Variants in FBN1 observed in about 807,000 individuals in gnomAD.
FBN1 encodes fibrillin 1.
A neutral mutation model predicts 365.1 loss-of-function variants in FBN1; 29 were observed. That is an observed-to-expected ratio of 0.08 (90% CI 0.06 to 0.11). The LOEUF (loss-of-function observed/expected upper bound fraction) is 0.11, where lower values mean the gene tolerates loss of function less well. Among genes scored for constraint, FBN1 ranks in the 10% least tolerant of loss-of-function variants. The pLI, the probability that FBN1 is intolerant of heterozygous loss-of-function variation, is 1.00. For synonymous variants in FBN1, 1,210 were observed against 1,270.5 expected, an observed-to-expected ratio of 0.95 and a Z score of 1.01; for missense variants, 2,476 against 3,703.2, an observed-to-expected ratio of 0.67 and a Z score of 8.60.
intron 60 of FBN1, among the ~76,000 whole-genome samples, chr15:48,424,397 C>G (rs186780253): frequency 1.3e-5 from 2 of 152,338 alleles, no homozygotes; most frequent in East Asian, 3.9e-4. Context: ...CTCTCCTCTC[C>G]TCCAATCTGG....
At chr15:48,525,744 G>A (rs931274732) in intron 9 of FBN1, among the ~76,000 whole-genome samples, 1 of 152,170 alleles carries the variant, frequency 6.6e-6, no homozygotes, top group Admixed American at 6.5e-5. Flanking sequence ...AAGAAGCAGG[G>A]AGACCAATTA....
chr15:48,600,072 A>C (rs2044549574), intron 5 of FBN1, 67 bp downstream of exon 5: 1 of 1,160,120 alleles, frequency 8.6e-7, no homozygotes, highest in Non-Finnish European at 1.3e-6. Flanking sequence ...ATCAGCACTT[A>C]TCTCTTTATT....
At chr15:48,508,508 G>A in intron 15 of FBN1, 74 bp downstream of exon 15, 1 of 1,596,144 alleles carries the variant, frequency 6.3e-7, no homozygotes, top group Admixed American at 1.7e-5. Context: ...AGTAAAGAAA[G>A]GTAGTACCTC....
At chr15:48,570,450 G>T (rs2044297789) in intron 6 of FBN1, among the ~76,000 whole-genome samples, 1 of 149,872 alleles carries the variant, frequency 6.7e-6, no homozygotes. Context: ...CTCTGCTACT[G>T]TAAATGTTGG....
chr15:48,582,396 C>A lies in FBN1; in HGVS notation c.538+13887G>T, dbSNP rs541745448. Among the ~76,000 whole-genome samples, 5 of 152,246 alleles carry A rather than the reference C, an allele frequency of 3.3e-5. No homozygotes were observed. The South Asian group carries it at 1.0e-3, about 32-fold the overall frequency. On this transcript the variant is annotated intron_variant, in intron 6 of 65. Transcript: ENST00000316623. ...GATTTCACCTATTGTGCACAGTAGG[C>A]CTCCAACAATATTTGCTGTTTAATT...
intron 17 of FBN1, among the ~76,000 whole-genome samples, chr15:48,501,366 C>T (rs1052289366): frequency 6.6e-6 from 1 of 152,222 alleles, no homozygotes; most frequent in African/African-American, 2.4e-5. Context: ...CTCACTCCTG[C>T]ATGCTCTGTT....
At chr15:48,435,702 GTATA>G (rs1200549093) in intron 53 of FBN1, among the ~76,000 whole-genome samples, 1 of 147,338 alleles carries the variant, frequency 6.8e-6, no homozygotes, top group Non-Finnish European at 1.5e-5. Context: ...ATGTGTGTGT[GTATA>G]TATATGTGTG....
chr15:48,517,177 C>T (rs1170621979), intron 10 of FBN1, among the ~76,000 whole-genome samples: 1 of 152,126 alleles, frequency 6.6e-6, no homozygotes. Flanking sequence ...AGATATCAGA[C>T]ATCCAAGTGG....
At chr15:48,431,627 TATAATA>T (rs147210251) in intron 55 of FBN1, among the ~76,000 whole-genome samples, 17 of 151,960 alleles carry the variant, frequency 1.1e-4, no homozygotes, top group African/African-American at 3.6e-4. Context: ...ATGCAATAAT[TATAATA>T]ATAACACAAT....
chr15:48,476,145 C>G (rs536053733), intron 32 of FBN1, among the ~76,000 whole-genome samples: 1 of 152,166 alleles, frequency 6.6e-6, no homozygotes, highest in South Asian at 2.1e-4. Flanking sequence ...TAAGTAGGCA[C>G]AGGAATTCAA....
rs977185674 is a variant in FBN1, at chr15:48,644,899, G to A, written c.-130C>T. On this transcript the variant is annotated 5_prime_UTR_variant, in exon 2 of 66. Transcript: ENST00000316623. ...TCCCGCCGCCCGTCCCCCGGGCCGG[G>A]CTCCTCCCGCCTTCTCCAGGCGCTG... is the stretch of plus-strand genomic sequence containing the variant. 6 of 916,622 alleles carry A rather than the reference G, an allele frequency of 6.5e-6. No homozygotes were observed. The South Asian group carries it at 1.2e-4, about 18-fold the overall frequency. 56.8% of individuals were successfully genotyped at this position (916,622 alleles called of 1,614,324 possible).
chr15:48,508,512 G>A, intron 15 of FBN1, 70 bp downstream of exon 15: 1 of 1,600,584 alleles, frequency 6.2e-7, no homozygotes, highest in South Asian at 1.1e-5. Context: ...AAGAAAGGTA[G>A]TACCTCTAAA....
At chr15:48,456,839 C>CATGCGTGTGTGTGTGT (rs2043243102) in intron 43 of FBN1, 77 bp from the exon 44 acceptor site, 2 of 999,528 alleles carry the variant, frequency 2.0e-6, no homozygotes, top group East Asian at 3.6e-5. Context: ...ATGGAAAGTG[C>CATGCGTGTGTGTGTGT]GTGCGTGTGT....
chr15:48,560,605 G>A (rs767143418), intron 6 of FBN1, among the ~76,000 whole-genome samples: 24 of 152,152 alleles, frequency 1.6e-4, no homozygotes, highest in Non-Finnish European at 1.6e-4. Context: ...CTTGGTATGT[G>A]TTGGCTTTGT....
intron 63 of FBN1, 59 bp downstream of exon 63, chr15:48,420,628 T>A: frequency 6.2e-7 from 1 of 1,605,274 alleles, no homozygotes; most frequent in South Asian, 1.1e-5. Flanking sequence ...AAGCAAGCAG[T>A]GTTTTGCTTC....
At chr15:48,421,437 G>A (rs1206402663) in intron 62 of FBN1, 121 bp downstream of exon 62, 2 of 1,212,242 alleles carry the variant, frequency 1.6e-6, no homozygotes, top group Non-Finnish European at 2.4e-6. Context: ...TATTTTAGCT[G>A]AGTGCCCCCC....
chr15:48,428,614 T>G (rs2043001242), intron 56 of FBN1, 143 bp from the exon 57 acceptor site: 4 of 866,188 alleles, frequency 4.6e-6, no homozygotes, highest in South Asian at 2.9e-5. Flanking sequence ...CTCCCTTCCC[T>G]CCCTCTCACC....
chr15:48,408,745 C>G lies in FBN1; in HGVS notation c.*2245G>C, dbSNP rs1402552872. 6.6e-6 allele frequency: 1 copy of G among 152,550 alleles called. No individual in the cohort carries two copies. The highest frequency in any genetic ancestry group is 1.5e-5 in the Non-Finnish European group (1 of 68,008). The allele number at this position is 152,550 out of a possible 1,614,324, so 9.4% of individuals were successfully genotyped here. A position where few individuals can be genotyped will look rare whatever the true frequency, so the allele number is the denominator to read the frequency against. ...TCAGAAACATGGAAAATATGCTGTT[C>G]AAAATTGTTGGCTCAGGAATAAATA... On this transcript the variant is annotated 3_prime_UTR_variant, in exon 66 of 66. Coordinates refer to ENST00000316623, the MANE Select transcript of FBN1 (RefSeq NM_000138.5).
chr15:48,615,327 C>G (rs1167930482), intron 2 of FBN1, among the ~76,000 whole-genome samples: 2 of 151,742 alleles, frequency 1.3e-5, no homozygotes, highest in Non-Finnish European at 2.9e-5. Context: ...CATAATATGT[C>G]ACAGTCATAG....
Sources: gnomAD v4.1 joint callset for allele counts (sites outside exome capture counted in the v4.1 genomes callset) on GRCh38, gnomAD v4.1.1 for gene constraint, MANE v1.5 for transcripts, NCBI Gene and HGNC (gene_info 2026-07-23, HGNC 2026-07-21) for gene names.